The following GUCY1A2 variants were observed in gnomAD, a reference collection of about 807,000 sequenced individuals.
The protein encoded by GUCY1A2 is guanylate cyclase soluble subunit alpha-2.
GUCY1A2 carries 27 observed loss-of-function variants against 63.5 expected under a neutral mutation model. The ratio of observed to expected loss-of-function variants is 0.43; its 90% CI spans 0.31 to 0.59. The LOEUF is 0.59. GUCY1A2 is among the 20% of genes least tolerant of loss of function. The pLI, the probability that GUCY1A2 is intolerant of heterozygous loss-of-function variation, is 0.11. For missense variants in GUCY1A2, 768 were observed against 913.3 expected, an observed-to-expected ratio of 0.84 and a Z score of 2.05; for synonymous variants, 364 against 343.5, an observed-to-expected ratio of 1.06 and a Z score of -0.66.
rs1257910544 is a variant in GUCY1A2, at chr11:106,680,431, A to G, written c.*7118T>C. 1.9e-5 allele frequency: 4 copies of G among 208,052 alleles called. No homozygotes were observed. Among genetic ancestry groups the G allele is most frequent in the Non-Finnish European group, 3.9e-5 (4 of 102,128 alleles). The allele number at this position is 208,052 out of a possible 1,614,324, so 12.9% of individuals were successfully genotyped here. ...TAAAAATATGTATCAAAAGAATCAAAAAGTAACTATTACTCAGACCTGCCA... is the reference window on the plus strand; with the variant it reads ...TAAAAATATGTATCAAAAGAATCAAGAAGTAACTATTACTCAGACCTGCCA... On this transcript the variant is annotated 3_prime_UTR_variant, in exon 8 of 8. Transcript: ENST00000526355.
rs990619382 is a variant in GUCY1A2, at chr11:106,684,024, C to G, written c.*3525G>C. The stretch of plus-strand genomic sequence containing the variant: ...GGCATTTGCAAAATTAAAAGTCTTG[C>G]TCCCCTTGTGAATGAGATTTTGTTT... On this transcript the variant is annotated 3_prime_UTR_variant, in exon 8 of 8. Coordinates refer to ENST00000526355, the MANE Select transcript of GUCY1A2 (RefSeq NM_000855.3). 1 of 192,860 alleles carries G rather than the reference C, an allele frequency of 5.2e-6. No homozygotes were observed. Among genetic ancestry groups the G allele is most frequent in the African/African-American group, 2.3e-5 (1 of 43,048 alleles). The allele number at this position is 192,860 out of a possible 1,614,324, so 11.9% of individuals were successfully genotyped here. A position where few individuals can be genotyped will look rare whatever the true frequency, so the allele number is the denominator to read the frequency against.
At chr11:106,724,433 C>T (rs1194623992) in intron 6 of GUCY1A2, among the ~76,000 whole-genome samples, 1 of 152,144 alleles carries the variant, frequency 6.6e-6, no homozygotes, top group African/African-American at 2.4e-5. Flanking sequence ...ATCTGATCAC[C>T]CTATCCTTCC....
chr11:106,979,864 A>G (rs757120043), intron 2 of GUCY1A2, among the ~76,000 whole-genome samples: 123 of 152,278 alleles, frequency 8.1e-4, no homozygotes, highest in Non-Finnish European at 1.3e-3. Flanking sequence ...GAACAGAAAG[A>G]CTTCAAAATA....
chr11:106,741,960 T>A lies in GUCY1A2; in HGVS notation c.1837-33294A>T, dbSNP rs1863702121. Among the ~76,000 whole-genome samples, 3 of 152,336 alleles carry A rather than the reference T, an allele frequency of 2.0e-5. No individual in the cohort carries two copies. In the Middle Eastern group the frequency reaches 0.01, roughly 518 times the overall value. On this transcript the variant is annotated intron_variant, in intron 6 of 7. Transcript: ENST00000526355. Reference sequence around the variant, plus strand: ...ATAAAACTGAATGAAGTTATGACATTTGCATGTATAACAAGGCTGTTCATT... The same window carrying A: ...ATAAAACTGAATGAAGTTATGACATATGCATGTATAACAAGGCTGTTCATT...
At position 106,867,413 on chromosome 11, in the gene GUCY1A2, G is replaced by T. The variant is rs118174943; in HGVS notation, c.1207-56935C>A. On this transcript the variant is annotated intron_variant, in intron 4 of 7. Transcript: ENST00000526355. ...GCAATAGAGACTCTCCAGTTAGGAAGAGAAAACAGAGCACACGCTAGAACA... is the reference window on the plus strand; with the variant it reads ...GCAATAGAGACTCTCCAGTTAGGAATAGAAAACAGAGCACACGCTAGAACA... Among the ~76,000 whole-genome samples the T allele has an allele frequency of 7.1e-3, 1,074 of 152,124 alleles. 6 individuals carry two copies. Among genetic ancestry groups the T allele is most frequent in the Middle Eastern group, 0.02 (6 of 294 alleles).
At chr11:106,708,423 T>A in intron 7 of GUCY1A2, 89 bp downstream of exon 7, 1 of 1,012,840 alleles carries the variant, frequency 9.9e-7, no homozygotes, top group Non-Finnish European at 1.5e-6. Flanking sequence ...AATGACAGGA[T>A]CAAGAAAAAG....
rs530729804 is a variant in GUCY1A2, at chr11:106,794,049, T to A, written c.1692+15944A>T. ...TTTTGAAGAGATATCTGCACTTCCA[T>A]GTTCATTGCAGCATTATTCAAAATA... On this transcript the variant is annotated intron_variant, in intron 5 of 7. Coordinates refer to ENST00000526355, the MANE Select transcript of GUCY1A2 (RefSeq NM_000855.3). Among the ~76,000 whole-genome samples, 12 of 152,266 alleles carry A rather than the reference T, an allele frequency of 7.9e-5. 2 individuals are homozygous for A. The highest frequency in any genetic ancestry group is 2.9e-4 in the African/African-American group (12 of 41,576).
At chr11:106,759,968 T>C (rs944219396) in intron 6 of GUCY1A2, among the ~76,000 whole-genome samples, 1 of 152,128 alleles carries the variant, frequency 6.6e-6, no homozygotes, top group African/African-American at 2.4e-5. Context: ...TGGACACAGA[T>C]ACATCCATGC....
At chr11:106,856,525 T>C (rs1319495498) in intron 4 of GUCY1A2, among the ~76,000 whole-genome samples, 1 of 152,198 alleles carries the variant, frequency 6.6e-6, no homozygotes. Context: ...TTTTTAAGGA[T>C]TAATTTTGAA....
At chr11:106,817,517 T>C (rs938164175) in intron 4 of GUCY1A2, among the ~76,000 whole-genome samples, 12 of 151,896 alleles carry the variant, frequency 7.9e-5, no homozygotes, top group Admixed American at 1.3e-4. Flanking sequence ...TTCTATCAAA[T>C]TAAAAAGCTT....
At chr11:106,752,858 C>T (rs146013969) in intron 6 of GUCY1A2, among the ~76,000 whole-genome samples, 1 of 152,216 alleles carries the variant, frequency 6.6e-6, no homozygotes, top group East Asian at 1.9e-4. Flanking sequence ...GATTTATAAT[C>T]CTTTGGGTAG....
chr11:106,848,572 A>G (rs973134597), intron 4 of GUCY1A2, among the ~76,000 whole-genome samples: 7 of 151,668 alleles, frequency 4.6e-5, no homozygotes, highest in Non-Finnish European at 3.0e-5. Flanking sequence ...AAGTGAGCTA[A>G]CCCTAGAATG....
intron 3 of GUCY1A2, among the ~76,000 whole-genome samples, chr11:106,944,564 C>T (rs965182545): frequency 5.9e-5 from 9 of 151,978 alleles, no homozygotes; most frequent in South Asian, 2.1e-4. Context: ...ATCTGAGTGG[C>T]GAAATAATCT....
intron 3 of GUCY1A2, among the ~76,000 whole-genome samples, chr11:106,944,886 A>T (rs1439801022): frequency 2.0e-5 from 3 of 152,192 alleles, no homozygotes; most frequent in African/African-American, 7.2e-5. Flanking sequence ...ATAAAATAGC[A>T]GATAGTCCCT....
chr11:106,863,730 T>C (rs1859547561), intron 4 of GUCY1A2, among the ~76,000 whole-genome samples: 1 of 152,118 alleles, frequency 6.6e-6, no homozygotes, highest in South Asian at 2.1e-4. Flanking sequence ...TTGGGCAGTA[T>C]GGCCATTTTC....
rs371151152 is a variant in GUCY1A2, at chr11:106,917,687, A to G, written c.1206+21773T>C. ...AAACCATCATTCTCAGTAAACTATC[A>G]CAAGGACAAAAAACCAAACACCGCA... On this transcript the variant is annotated intron_variant, in intron 4 of 7. Coordinates refer to ENST00000526355, the MANE Select transcript of GUCY1A2 (RefSeq NM_000855.3). Among the ~76,000 whole-genome samples, 141 of 140,930 alleles carry G rather than the reference A, an allele frequency of 1.0e-3. 12 individuals are homozygous for G. The highest frequency in any genetic ancestry group is 1.8e-3 in the Non-Finnish European group (111 of 63,112). The allele number at this position is 140,930 out of a possible 152,430, so 92.5% of individuals were successfully genotyped here.
intron 4 of GUCY1A2, among the ~76,000 whole-genome samples, chr11:106,825,747 G>A (rs923411803): frequency 1.3e-5 from 2 of 151,968 alleles, no homozygotes; most frequent in African/African-American, 2.4e-5. Flanking sequence ...TAACACTGAC[G>A]ATAGCTGATA....
At chr11:106,771,605 A>C (rs1471298063) in intron 6 of GUCY1A2, among the ~76,000 whole-genome samples, 2 of 152,060 alleles carry the variant, frequency 1.3e-5, no homozygotes, top group African/African-American at 4.8e-5. Flanking sequence ...TTTTTTAAAT[A>C]GTCAGGTGTG....
At chr11:106,974,053 C>T (rs148626676) in intron 3 of GUCY1A2, among the ~76,000 whole-genome samples, 1 of 152,020 alleles carries the variant, frequency 6.6e-6, no homozygotes, top group Non-Finnish European at 1.5e-5. Context: ...GCATTTTCAA[C>T]CCAAGTAGTC....
Sources: allele counts gnomAD v4.1 joint callset (sites outside exome capture counted in the v4.1 genomes callset), GRCh38; gene constraint gnomAD v4.1.1; transcripts MANE v1.5; gene names NCBI Gene and HGNC (gene_info 2026-07-23, HGNC 2026-07-21).